FLT1: variants seen among roughly 807,000 people sequenced by gnomAD.
The protein encoded by FLT1 is vascular endothelial growth factor receptor 1.
Under a neutral mutation model 156.3 loss-of-function variants are expected in FLT1, and 49 were observed. The ratio of observed to expected loss-of-function variants is 0.31; its 90% CI spans 0.25 to 0.40. FLT1 has a LOEUF of 0.40. Ranked by LOEUF, FLT1 falls within the 10% of genes least tolerant of loss-of-function variation. FLT1 has a pLI of 1.00. For synonymous variants in FLT1, 594 were observed against 583.8 expected (o/e 1.02, Z -0.25); for missense variants, 1,322 against 1,637.2 (o/e 0.81, Z 3.32).
chr13:28,311,653 T>A lies in FLT1; in HGVS notation c.3572A>T (p.Glu1191Val). 1 of 1,613,810 alleles carries A rather than the reference T, an allele frequency of 6.2e-7. No individual in the cohort carries two copies. Among genetic ancestry groups the A allele is most frequent in the Non-Finnish European group, 8.5e-7 (1 of 1,179,724 alleles). ...TGAAATACTTTCCTTGAAGAAGTCC[T>A]CAGAGAAGGCAGGAGTTGAGTATGT... Reference protein sequence around the residue: ...GFTYSTPAFSEDFFKESISAP... With the variant: ...GFTYSTPAFSVDFFKESISAP... Residue 1191 changes from glutamate to valine, a missense_variant, in exon 27 of 30, where the codon GAG becomes GTG. Transcript: ENST00000282397.
At chr13:28,426,626 C>T (rs1009128738) in intron 10 of FLT1, among the ~76,000 whole-genome samples, 1 of 152,054 alleles carries the variant, frequency 6.6e-6, no homozygotes, top group African/African-American at 2.4e-5. Flanking sequence ...GAGAAGGTGA[C>T]GTAAGAGCTG....
At chr13:28,412,721 C>T (rs1033995414) in intron 10 of FLT1, among the ~76,000 whole-genome samples, 2 of 149,122 alleles carry the variant, frequency 1.3e-5, no homozygotes, top group African/African-American at 2.5e-5. Flanking sequence ...ATCCCAGGCC[C>T]CTCACGTTCT....
At chr13:28,478,877 C>A (rs865881588) in intron 1 of FLT1, among the ~76,000 whole-genome samples, 7 of 152,184 alleles carry the variant, frequency 4.6e-5, no homozygotes, top group Admixed American at 1.3e-4. Context: ...TATCTATTCT[C>A]CTCATGCAGA....
intron 3 of FLT1, among the ~76,000 whole-genome samples, chr13:28,455,093 A>G (rs986514490): frequency 2.6e-5 from 4 of 152,212 alleles, no homozygotes; most frequent in Non-Finnish European, 5.9e-5. Context: ...TGATCTGCAG[A>G]TTCAATGCAA....
chr13:28,399,030 C>A, intron 11 of FLT1: 2 of 1,534,654 alleles, frequency 1.3e-6, no homozygotes, highest in Non-Finnish European at 1.8e-6. Context: ...ATTGTTGTAC[C>A]CACCCGTTTA....
At chr13:28,381,557 T>G (rs1211796243) in intron 14 of FLT1, among the ~76,000 whole-genome samples, 1 of 152,102 alleles carries the variant, frequency 6.6e-6, no homozygotes, top group Non-Finnish European at 1.5e-5. Context: ...AGACTCCATC[T>G]CAAAAACAAA....
chr13:28,473,721 AG>A (rs1880331677), intron 1 of FLT1, among the ~76,000 whole-genome samples: 1 of 84,344 alleles, frequency 1.2e-5, no homozygotes, highest in Admixed American at 1.3e-4. Context: ...AAAGAAAGAA[AG>A]AAAGAAAGAA....
rs1436735560 is a variant in FLT1 at position 28,300,490 on chromosome 13, TTAAA to T, written c.*2673_*2676del. ...AAGTAACTTTAAAATTCCAGTTTCC[TTAAA>T]TAGTTATGCACAAAACACACATACA... On this transcript the variant is annotated 3_prime_UTR_variant, in exon 30 of 30. Coordinates refer to ENST00000282397, the MANE Select transcript of FLT1 (RefSeq NM_002019.4). 3 of 231,084 alleles carry T rather than the reference TTAAA, an allele frequency of 1.3e-5. No homozygotes were observed. The highest frequency in any genetic ancestry group is 4.5e-5 in the African/African-American group (2 of 44,456). 14.3% of individuals were successfully genotyped at this position (231,084 alleles called of 1,614,324 possible).
chr13:28,333,978 GC>G, intron 18 of FLT1, 46 bp downstream of exon 18: 1 of 1,153,948 alleles, frequency 8.7e-7, no homozygotes, highest in Non-Finnish European at 1.3e-6. Context: ...TTTAGGAAAT[GC>G]AAAATGGTGA....
chr13:28,331,175 A>C (rs1211430262), intron 18 of FLT1, among the ~76,000 whole-genome samples: 2 of 152,254 alleles, frequency 1.3e-5, no homozygotes, highest in African/African-American at 2.4e-5. Context: ...AGTGGGTTAG[A>C]GGTATGTGCA....
chr13:28,388,861 C>T (rs1874529797), intron 13 of FLT1: 2 of 1,062,924 alleles, frequency 1.9e-6, no homozygotes, highest in East Asian at 5.1e-5. Flanking sequence ...AACCAGAGGA[C>T]AGGAATATTT....
At chr13:28,355,375 C>T (rs1459346339) in intron 15 of FLT1, among the ~76,000 whole-genome samples, 1 of 152,180 alleles carries the variant, frequency 6.6e-6, no homozygotes, top group Non-Finnish European at 1.5e-5. Context: ...ATATTTCGTG[C>T]TAAGTGCTGG....
At chr13:28,453,986 TTGAGA>T (rs1235119516) in intron 3 of FLT1, among the ~76,000 whole-genome samples, 2 of 151,750 alleles carry the variant, frequency 1.3e-5, no homozygotes, top group African/African-American at 4.8e-5. Flanking sequence ...GATATTTAAC[TTGAGA>T]CCTGAAAAGT....
At chr13:28,474,346 C>T (rs1223593932) in intron 1 of FLT1, among the ~76,000 whole-genome samples, 1 of 151,930 alleles carries the variant, frequency 6.6e-6, no homozygotes, top group Non-Finnish European at 1.5e-5. Flanking sequence ...ATCCCAGCTA[C>T]CTGGGAGGCT....
In FLT1 at chr13:28,301,432, C is replaced by A. The variant is rs1168230048; in HGVS notation, c.*1735G>T. ...AGCCGCTGCCAGGAGCCAGTAGGCT[C>A]ACTAGGGAATGTGCTGATGACGGTC... is the stretch of plus-strand genomic sequence containing the variant. On this transcript the variant is annotated 3_prime_UTR_variant, in exon 30 of 30. Transcript: ENST00000282397. 8.6e-6 allele frequency: 2 copies of A among 233,196 alleles called. No homozygotes were observed. The highest frequency in any genetic ancestry group is 1.7e-5 in the Non-Finnish European group (2 of 118,022). 14.4% of individuals were successfully genotyped at this position (233,196 alleles called of 1,614,324 possible). A position where few individuals can be genotyped will look rare whatever the true frequency, so the allele number is the denominator to read the frequency against.
At chr13:28,308,969 A>T in intron 27 of FLT1, 42 bp from the exon 28 acceptor site, 1 of 1,208,702 alleles carries the variant, frequency 8.3e-7, no homozygotes, top group East Asian at 2.3e-5. Flanking sequence ...AGGAAAAGGC[A>T]TCCAGCTCTA....
intron 8 of FLT1, among the ~76,000 whole-genome samples, chr13:28,429,007 T>C (rs1877516899): frequency 2.6e-5 from 4 of 152,136 alleles, no homozygotes; most frequent in Admixed American, 2.6e-4. Context: ...ACTTAGTTAC[T>C]GAAGAAATCA....
At chr13:28,460,174 A>T (rs1395438907) in intron 3 of FLT1, among the ~76,000 whole-genome samples, 1 of 152,224 alleles carries the variant, frequency 6.6e-6, no homozygotes, top group Non-Finnish European at 1.5e-5. Context: ...CTGGGAAGGG[A>T]TCTAAAGGCA....
At chr13:28,306,206 A>G (rs1204822562) in intron 29 of FLT1, among the ~76,000 whole-genome samples, 2 of 152,168 alleles carry the variant, frequency 1.3e-5, no homozygotes, top group Non-Finnish European at 2.9e-5. Flanking sequence ...GTCAAGTGAG[A>G]AAAGGGTGCC....
Sources: gnomAD v4.1 joint callset for allele counts (sites outside exome capture counted in the v4.1 genomes callset) on GRCh38, gnomAD v4.1.1 for gene constraint, MANE v1.5 for transcripts, NCBI Gene and HGNC (gene_info 2026-07-23, HGNC 2026-07-21) for gene names.